The following ASPM variants were observed in gnomAD, a reference collection of about 807,000 sequenced individuals.
ASPM encodes abnormal spindle-like microcephaly-associated protein.
In ASPM, 256 loss-of-function variants were observed where a neutral mutation model predicts 366.4. The ratio of observed to expected loss-of-function variants is 0.70; its 90% CI spans 0.63 to 0.77. The LOEUF is 0.77. Ranked by LOEUF, ASPM falls within the 30% of genes least tolerant of loss-of-function variation. ASPM has a pLI of 0.00. For synonymous variants in ASPM, 1,414 were observed against 1,342.9 expected, an observed-to-expected ratio of 1.05 and a Z score of -1.16; for missense variants, 4,146 against 4,090.4, an observed-to-expected ratio of 1.01 and a Z score of -0.37.
Position 197,142,691 on chromosome 1 carries a change from G to A in ASPM, c.1561C>T (p.Leu521Phe). The change falls in exon 3 of 28, where the codon CTC (leucine) becomes TTC (phenylalanine). Residue 521 changes from leucine (L) to phenylalanine (F), a missense_variant. By Grantham distance (22) the Leu-to-Phe change is conservative. Coordinates refer to ENST00000367409, the MANE Select transcript of ASPM (RefSeq NM_018136.5). ...TCATGTTCACCCACTGCACTGTTGA[G>A]ACATCTTTTTGCTTTTGGTTTATTA... ...EINKPKAKRCLNSAVGEHEKV... is the reference protein window; with the variant it reads ...EINKPKAKRCFNSAVGEHEKV... 1 of 1,613,920 alleles carries A rather than the reference G, an allele frequency of 6.2e-7. No homozygotes were observed. The highest frequency in any genetic ancestry group is 8.5e-7 in the Non-Finnish European group (1 of 1,179,840).
At chr1:197,090,587 AC>A (rs1175434212) in intron 23 of ASPM, among the ~76,000 whole-genome samples, 199 bp from the exon 24 acceptor site, 1 of 152,116 alleles carries the variant, frequency 6.6e-6, no homozygotes, top group East Asian at 1.9e-4. Context: ...CTATATGTAA[AC>A]TGGACAGCAT....
rs761235779 is a variant in ASPM, at chr1:197,144,580, A to G, written c.298-480T>C. On this transcript the variant is annotated intron_variant, in intron 1 of 27. Transcript: ENST00000367409. The stretch of plus-strand genomic sequence containing the variant: ...TTAAACAGGTATTATTGTTCCAGGC[A>G]TAAGTGCAGGTATCCTGTAAAACTC... Among the ~76,000 whole-genome samples, 85 of 152,156 alleles carry G rather than the reference A, an allele frequency of 5.6e-4. 1 individual carries two copies. The highest frequency in any genetic ancestry group is 2.6e-4 in the Admixed American group (4 of 15,282).
chr1:197,117,578 T>C (rs991720679), intron 17 of ASPM, among the ~76,000 whole-genome samples: 1 of 152,132 alleles, frequency 6.6e-6, no homozygotes, highest in Non-Finnish European at 1.5e-5. Context: ...AATTAGAATG[T>C]TTGCTTTTTC....
chr1:197,134,599 C>G (rs1658363002), intron 5 of ASPM, among the ~76,000 whole-genome samples: 1 of 152,176 alleles, frequency 6.6e-6, no homozygotes, highest in African/African-American at 2.4e-5. Context: ...AATTTCTAAG[C>G]AAGAGCTGCA....
rs895825587 is a variant in ASPM, at chr1:197,102,160, A to C, written c.7091T>G (p.Ile2364Ser). 4 of 1,612,726 alleles carry C rather than the reference A, an allele frequency of 2.5e-6. No homozygotes were observed. In the African/African-American group the frequency reaches 5.3e-5, roughly 22 times the overall value. ...TCTATTTGCTTGGTATTGCTGTTGG[A>C]TCACAACGGAGGCCTGTTTCAAAGC... ...YQALKQASVV[I>S]QQQYQANRAA... Residue 2364 changes from isoleucine (I) to serine (S), a missense_variant, in exon 18 of 28, where the codon ATC becomes AGC. Ile to Ser is a moderately radical substitution (Grantham distance 142, BLOSUM62 -2). Coordinates refer to ENST00000367409, the MANE Select transcript of ASPM (RefSeq NM_018136.5).
rs1440826951 is a variant in ASPM at position 197,103,539 on chromosome 1, A to G, written c.5712T>C (p.Ile1904=). ...IRREHQAALK[I]QSAFRMAKAQ... ...CCTTGGCCATTCTAAAAGCAGACTG[A>G]ATCTTCAAGGCAGCTTGATGTTCCC... Residue 1904 remains isoleucine, a synonymous_variant, in exon 18 of 28, where the codon ATT becomes ATC. Coordinates refer to ENST00000367409, the MANE Select transcript of ASPM (RefSeq NM_018136.5). 1 of 1,613,072 alleles carries G rather than the reference A, an allele frequency of 6.2e-7. No homozygotes were observed. The highest frequency in any genetic ancestry group is 8.5e-7 in the Non-Finnish European group (1 of 1,179,544).
At chr1:197,112,728 G>A (rs921258831) in intron 17 of ASPM, among the ~76,000 whole-genome samples, 1 of 152,028 alleles carries the variant, frequency 6.6e-6, no homozygotes, top group Non-Finnish European at 1.5e-5. Context: ...TTTGTCTCAA[G>A]TTATCCTGAC....
rs760781368 is a variant in ASPM, at chr1:197,086,971, T to G, written c.10163A>C (p.Asp3388Ala). ...AACAACTTTGGACCTACTTCGTACA[T>G]CCTACAAAATAAAATGCACAGTTAC... ...ILLKTTNRAS[D>A]VRSRSKVVDR... Residue 3388 changes from aspartate (D) to alanine (A), a missense_variant and splice_region_variant, in exon 27 of 28, where the codon GAT (aspartate) becomes GCT (alanine). Asp to Ala is a moderately radical substitution (Grantham distance 126, BLOSUM62 -2). Around this residue, in one of 3 missense-constraint regions of ASPM, gnomAD observed 3,624 missense variants for 3,591.7 expected, o/e 1.01. Coordinates refer to ENST00000367409, the MANE Select transcript of ASPM (RefSeq NM_018136.5). 1.9e-6 allele frequency: 3 copies of G among 1,606,300 alleles called. No individual in the cohort carries two copies. The South Asian group carries it at 3.3e-5, about 18-fold the overall frequency.
intron 17 of ASPM, among the ~76,000 whole-genome samples, chr1:197,117,464 A>G (rs550523016): frequency 1.3e-4 from 20 of 152,276 alleles, no homozygotes; most frequent in Admixed American, 7.9e-4. Context: ...CAAAGATAAA[A>G]AAGAACCTGG....
chr1:197,091,179 C>T (rs1656775226), intron 22 of ASPM, 138 bp from the exon 23 acceptor site: 1 of 794,428 alleles, frequency 1.3e-6, no homozygotes, highest in Non-Finnish European at 2.0e-6. Context: ...AGAGGCATTA[C>T]TTCCCCACTC....
chr1:197,118,581 C>T (rs1009337408), intron 16 of ASPM, among the ~76,000 whole-genome samples: 8 of 151,952 alleles, frequency 5.3e-5, no homozygotes, highest in African/African-American at 1.9e-4. Context: ...AAGGCAATAC[C>T]CCCCATATCT....
chr1:197,101,709 A>G lies in ASPM; in HGVS notation c.7542T>C (p.Tyr2514=). Residue 2514 remains tyrosine (Y), a synonymous_variant, in exon 18 of 28, where the codon TAT becomes TAC. Transcript: ENST00000367409. ...GTAATTTTGCAGCTCTATATGTTCG[A>G]TAATGTTGCTGAATTAGAATTGAAG... ...KHASILIQQH[Y]RTYRAAKLQR... 6.2e-7 allele frequency: 1 copy of G among 1,612,072 alleles called. No homozygotes were observed. The highest frequency in any genetic ancestry group is 8.5e-7 in the Non-Finnish European group (1 of 1,179,008).
At position 197,122,242 on chromosome 1, in the gene ASPM, C is replaced by T; in HGVS notation, c.3658G>A (p.Val1220Ile). The change falls in exon 15 of 28, where the codon GTT becomes ATT. Residue 1220 changes from valine to isoleucine, a missense_variant. Physicochemically the swap from Val to Ile is conservative, Grantham distance 29. Coordinates refer to ENST00000367409, the MANE Select transcript of ASPM (RefSeq NM_018136.5). ...CCAAGGTCTCTAACTGCAGACCTAACCAAGTGAAAATTTTTCTTTTCATTT... is the reference window on the plus strand; with the variant it reads ...CCAAGGTCTCTAACTGCAGACCTAATCAAGTGAAAATTTTTCTTTTCATTT... Reference protein sequence around the residue: ...LENEKKNFHLVRSAVRDLGGI... With the variant: ...LENEKKNFHLIRSAVRDLGGI... 1 of 1,612,894 alleles carries T rather than the reference C, an allele frequency of 6.2e-7. No individual in the cohort carries two copies. Among genetic ancestry groups the T allele is most frequent in the East Asian group, 2.2e-5 (1 of 44,858 alleles).
chr1:197,089,762 T>C (rs1207594401), intron 25 of ASPM, among the ~76,000 whole-genome samples, 168 bp downstream of exon 25: 1 of 152,018 alleles, frequency 6.6e-6, no homozygotes, highest in African/African-American at 2.4e-5. Flanking sequence ...TAAAAATTGG[T>C]ACTTAAATCT....
rs1657930333 is a variant in ASPM at position 197,122,166 on chromosome 1, T to C, written c.3734A>G (p.Asp1245Gly). 6.2e-7 allele frequency: 1 copy of C among 1,610,168 alleles called. No homozygotes were observed. The highest frequency in any genetic ancestry group is 8.5e-7 in the Non-Finnish European group (1 of 1,176,874). Residue 1245 changes from aspartate to glycine, a missense_variant, in exon 15 of 28, where the codon GAT (aspartate) becomes GGT (glycine). Physicochemically the swap from Asp to Gly is moderately conservative, Grantham distance 94. Around this residue, in one of 3 missense-constraint regions of ASPM, gnomAD observed 3,624 missense variants for 3,591.7 expected, o/e 1.01. Coordinates refer to ENST00000367409, the MANE Select transcript of ASPM (RefSeq NM_018136.5). The stretch of plus-strand genomic sequence containing the variant: ...AACTCTTCTTTTACTTACCTTTTCA[T>C]CTGGAATTGTATTTGACATATCTGA... Reference protein sequence around the residue: ...NHSDMSNTIPDEKVVITYLSF... With the variant: ...NHSDMSNTIPGEKVVITYLSF...
chr1:197,138,892 G>A (rs765347954), intron 4 of ASPM: 12 of 932,612 alleles, frequency 1.3e-5, no homozygotes, highest in Non-Finnish European at 2.1e-5. Context: ...ATCTCCTCCT[G>A]TTGAATCATT....
chr1:197,103,299 A>G lies in ASPM; in HGVS notation c.5952T>C (p.His1984=). 1.2e-6 allele frequency: 2 copies of G among 1,613,144 alleles called. No individual in the cohort carries two copies. The highest frequency in any genetic ancestry group is 1.7e-6 in the Non-Finnish European group (2 of 1,179,464). Residue 1984 remains histidine (H), a synonymous_variant, in exon 18 of 28, where the codon CAT becomes CAC. Coordinates refer to ENST00000367409, the MANE Select transcript of ASPM (RefSeq NM_018136.5). ...TGATTTTCCACTTCTTTTGTTGCAC[A>G]TGCATTCTATAGTATGACTGTATGA... is the stretch of plus-strand genomic sequence containing the variant. ...AIIIQSYYRM[H]VQQKKWKIMK...
intron 17 of ASPM, among the ~76,000 whole-genome samples, chr1:197,109,887 C>G (rs548574060): frequency 6.6e-6 from 1 of 151,980 alleles, no homozygotes; most frequent in Admixed American, 6.6e-5. Context: ...AAATAAGATA[C>G]TGAGGTATGA....
chr1:197,096,761 C>A (rs1317811210), intron 18 of ASPM, among the ~76,000 whole-genome samples: 1 of 151,594 alleles, frequency 6.6e-6, no homozygotes, highest in Non-Finnish European at 1.5e-5. Context: ...ACTATTATCT[C>A]TAATTTAGAG....
Sources: allele counts gnomAD v4.1 joint callset (sites outside exome capture counted in the v4.1 genomes callset), GRCh38; gene constraint gnomAD v4.1.1; regional missense constraint gnomAD v4.1.1; transcripts MANE v1.5; gene names NCBI Gene and HGNC (gene_info 2026-07-23, HGNC 2026-07-21).